SH3RF3: variants seen among roughly 807,000 people sequenced by gnomAD.
SH3RF3 encodes the protein SH3 domain containing ring finger 3, also known as E3 ubiquitin-protein ligase SH3RF3.
SH3RF3 carries 29 observed loss-of-function variants against 66.3 expected under a neutral mutation model. The observed-to-expected ratio is 0.44, with a 90% CI of 0.33 to 0.60. The LOEUF is 0.60. Among genes scored for constraint, SH3RF3 ranks in the 20% least tolerant of loss-of-function variants. The pLI, the probability that SH3RF3 is intolerant of heterozygous loss-of-function variation, is 0.04. For synonymous variants in SH3RF3, 583 were observed against 532.0 expected, an observed-to-expected ratio of 1.10 and a Z score of -1.32; for missense variants, 1,194 against 1,190.9, an observed-to-expected ratio of 1.00 and a Z score of -0.04.
At chr2:109,304,826 C>T (rs1193259531) in intron 1 of SH3RF3, among the ~76,000 whole-genome samples, 2 of 152,124 alleles carry the variant, frequency 1.3e-5, no homozygotes, top group Middle Eastern at 3.2e-3. Context: ...GATTAGACCT[C>T]GTGAGAGCCA....
chr2:109,433,953 C>A lies in SH3RF3; in HGVS notation c.1574+1282C>A, dbSNP rs114440131. Among the ~76,000 whole-genome samples, 931 of 152,344 alleles carry A rather than the reference C, an allele frequency of 6.1e-3. 10 individuals are homozygous for A. Among genetic ancestry groups the A allele is most frequent in the African/African-American group, 0.021 (882 of 41,584 alleles). ...AGGGTGAGCTGCCCACAGCCTCCTGCGGCTTCTTCAGTGGTGTGGGGTGAC... is the reference window on the plus strand; with the variant it reads ...AGGGTGAGCTGCCCACAGCCTCCTGAGGCTTCTTCAGTGGTGTGGGGTGAC... On this transcript the variant is annotated intron_variant, in intron 6 of 9. Coordinates refer to ENST00000309415, the MANE Select transcript of SH3RF3 (RefSeq NM_001099289.3).
chr2:109,445,143 A>G (rs1677671797), intron 7 of SH3RF3, among the ~76,000 whole-genome samples: 1 of 152,196 alleles, frequency 6.6e-6, no homozygotes, highest in South Asian at 2.1e-4. Context: ...TCCAGAATAC[A>G]GAGCAGAGAT....
chr2:109,149,510 T>C (rs1677183680), intron 1 of SH3RF3, among the ~76,000 whole-genome samples: 1 of 152,240 alleles, frequency 6.6e-6, no homozygotes, highest in African/African-American at 2.4e-5. Flanking sequence ...CACAGGGCTC[T>C]CTACCATGAG....
chr2:109,346,797 T>C (rs917336027), intron 1 of SH3RF3, among the ~76,000 whole-genome samples: 6 of 152,338 alleles, frequency 3.9e-5, no homozygotes, highest in Middle Eastern at 6.8e-3. Context: ...CAGGTGCAGA[T>C]GGGTTGGTTA....
chr2:109,152,051 T>A (rs921994582), intron 1 of SH3RF3, among the ~76,000 whole-genome samples: 1 of 152,242 alleles, frequency 6.6e-6, no homozygotes, highest in Non-Finnish European at 1.5e-5. Context: ...CTCTGACAAG[T>A]CTCATCAGCA....
intron 1 of SH3RF3, among the ~76,000 whole-genome samples, chr2:109,236,988 CAGAA>C (rs879666164): frequency 7.9e-5 from 12 of 152,112 alleles, no homozygotes; most frequent in Admixed American, 1.3e-4. Context: ...ACCCTGGACA[CAGAA>C]AGATCAGGGG....
At chr2:109,262,983 C>T (rs1680395124) in intron 1 of SH3RF3, among the ~76,000 whole-genome samples, 1 of 151,948 alleles carries the variant, frequency 6.6e-6, no homozygotes, top group South Asian at 2.1e-4. Flanking sequence ...CAGGTGCCCG[C>T]CACCACACCT....
intron 1 of SH3RF3, among the ~76,000 whole-genome samples, chr2:109,334,963 C>T (rs1236730990): frequency 6.6e-6 from 1 of 152,224 alleles, no homozygotes; most frequent in Non-Finnish European, 1.5e-5. Flanking sequence ...GCGTGCCTTC[C>T]CAGGCCATGC....
At chr2:109,374,342 C>T (rs1011370353) in intron 3 of SH3RF3, among the ~76,000 whole-genome samples, 1 of 152,186 alleles carries the variant, frequency 6.6e-6, no homozygotes, top group Non-Finnish European at 1.5e-5. Flanking sequence ...GATACAGGCT[C>T]CCGGACTCTC....
rs1408185967 is a variant in SH3RF3, at chr2:109,245,921, A to C, written c.574-101753A>C. Among the ~76,000 whole-genome samples, 3 of 152,218 alleles carry C rather than the reference A, an allele frequency of 2.0e-5. No homozygotes were observed. The East Asian group carries it at 5.8e-4, about 29-fold the overall frequency. On this transcript the variant is annotated intron_variant, in intron 1 of 9. Transcript: ENST00000309415. ...CCGGGCATCATTTACTGGTCTCAGG[A>C]AATCCTTTGAGGGAACAAAAAAAAA...
intron 1 of SH3RF3, among the ~76,000 whole-genome samples, chr2:109,262,894 A>G (rs1480872783): frequency 1.3e-5 from 2 of 152,022 alleles, no homozygotes; most frequent in East Asian, 1.9e-4. Context: ...GTGCAGTGGC[A>G]TGATCTTGGC....
intron 1 of SH3RF3, among the ~76,000 whole-genome samples, chr2:109,250,090 C>CTT (rs61141462): frequency 3.0e-5 from 4 of 134,932 alleles, no homozygotes; most frequent in East Asian, 2.1e-4. Flanking sequence ...GTAGGTGTTC[C>CTT]TTTTTTTTTT....
intron 7 of SH3RF3, among the ~76,000 whole-genome samples, chr2:109,439,023 G>A (rs1278343599): frequency 2.6e-5 from 4 of 152,168 alleles, no homozygotes; most frequent in Admixed American, 6.5e-5. Context: ...TGTCTGCCCA[G>A]AATAGCCAGT....
intron 1 of SH3RF3, among the ~76,000 whole-genome samples, chr2:109,184,792 A>G (rs1442697976): frequency 2.6e-5 from 4 of 152,256 alleles, no homozygotes; most frequent in Non-Finnish European, 5.9e-5. Flanking sequence ...GTTGTGCCAC[A>G]TACAAGAAAG....
chr2:109,331,597 T>C (rs1384413496), intron 1 of SH3RF3, among the ~76,000 whole-genome samples: 1 of 152,214 alleles, frequency 6.6e-6, no homozygotes, highest in Non-Finnish European at 1.5e-5. Context: ...CGGTCTTCAC[T>C]ATACTACGTA....
chr2:109,495,689 G>A (rs1203262217), intron 9 of SH3RF3, among the ~76,000 whole-genome samples: 4 of 151,600 alleles, frequency 2.6e-5, no homozygotes, highest in Admixed American at 1.3e-4. Context: ...ACGGGGTTTC[G>A]CCATGTTAGC....
chr2:109,245,674 A>G (rs1000791081), intron 1 of SH3RF3, among the ~76,000 whole-genome samples: 3 of 152,200 alleles, frequency 2.0e-5, no homozygotes, highest in Non-Finnish European at 4.4e-5. Context: ...CTGAGACCAT[A>G]TTTGTTAAGA....
chr2:109,372,038 G>GC (rs1410634017), intron 3 of SH3RF3, among the ~76,000 whole-genome samples: 2 of 152,224 alleles, frequency 1.3e-5, no homozygotes, highest in East Asian at 3.8e-4. Flanking sequence ...TTTCTCATGA[G>GC]CACCAGAGGG....
intron 1 of SH3RF3, among the ~76,000 whole-genome samples, chr2:109,243,108 G>A (rs1679826873): frequency 6.6e-6 from 1 of 152,258 alleles, no homozygotes; most frequent in Non-Finnish European, 1.5e-5. Flanking sequence ...GAGATGGGAG[G>A]TGTTGTCTTT....
Sources: allele counts gnomAD v4.1 joint callset (sites outside exome capture counted in the v4.1 genomes callset), GRCh38; gene constraint gnomAD v4.1.1; transcripts MANE v1.5; gene names NCBI Gene and HGNC (gene_info 2026-07-23, HGNC 2026-07-21).